The following DGKH variants were observed in gnomAD, a reference collection of about 807,000 sequenced individuals.
DGKH encodes the protein DAG kinase eta.
In DGKH, 90 loss-of-function variants were observed where a neutral mutation model predicts 159.3. The ratio of observed to expected loss-of-function variants is 0.57; its 90% CI spans 0.48 to 0.67. The LOEUF (loss-of-function observed/expected upper bound fraction) is 0.67. Ranked by LOEUF, DGKH falls within the 30% of genes least tolerant of loss-of-function variation. The pLI is 0.00. For synonymous variants in DGKH, 536 were observed against 553.8 expected, an observed-to-expected ratio of 0.97 and a Z score of 0.45; for missense variants, 1,181 against 1,506.1, an observed-to-expected ratio of 0.78 and a Z score of 3.57.
rs768960363 is a variant in DGKH at position 42,215,627 on chromosome 13, A to G, written c.3173A>G (p.Tyr1058Cys). The G allele has an allele frequency of 9.9e-6, 16 of 1,611,728 alleles. No individual in the cohort carries two copies. The Admixed American group carries it at 1.5e-4, about 15-fold the overall frequency. The change falls in exon 26 of 30, where the codon TAT becomes TGT. Residue 1058 changes from tyrosine (Y) to cysteine (C), a missense_variant. Tyr to Cys is a radical substitution (Grantham distance 194). This residue lies in a region of DGKH where 335 missense variants were observed against 495.2 expected (regional missense o/e 0.68). Transcript: ENST00000337343. ...TEIAINVKAL[Y>C]NETESLLVGR... ...ATAGCCATCAATGTGAAGGCGCTGT[A>G]TAATGAAACAGAATCTTTGCTAGTT...
At position 42,189,131 on chromosome 13, in the gene DGKH, T is replaced by C. The variant is rs758797938; in HGVS notation, c.1734T>C (p.Ile578=). The change falls in exon 15 of 30, where the codon ATT becomes ATC. Residue 578 remains isoleucine (I), a synonymous_variant. Transcript: ENST00000337343. ...TTCTCCCTGGCCTCAGCCCTCTCAT[T>C]GTGGAAGAAGATGCTGTGGAATCGT... ...APVLPGLSPL[I]VEEDAVESSS... The C allele has an allele frequency of 1.5e-5, 24 of 1,614,114 alleles. No individual in the cohort carries two copies. In the South Asian group the frequency reaches 2.4e-4, roughly 16 times the overall value.
intron 1 of DGKH, among the ~76,000 whole-genome samples, chr13:42,101,307 C>T (rs576888156): frequency 3.5e-4 from 53 of 152,320 alleles, no homozygotes; most frequent in African/African-American, 1.2e-3. Context: ...AGAACAATAA[C>T]GGCACCAAAT....
intron 1 of DGKH, among the ~76,000 whole-genome samples, chr13:42,109,440 G>A (rs2137796882): frequency 6.6e-6 from 1 of 152,298 alleles, no homozygotes; most frequent in African/African-American, 2.4e-5. Context: ...GGAGATGGAC[G>A]ATTACACCAC....
chr13:42,149,311 T>C (rs749353255), intron 3 of DGKH, among the ~76,000 whole-genome samples: 7 of 152,194 alleles, frequency 4.6e-5, no homozygotes, highest in Admixed American at 6.5e-5. Context: ...TCCCCTTCAC[T>C]GTGTTCTCAT....
chr13:42,158,818 T>G (rs1258560982), intron 5 of DGKH, among the ~76,000 whole-genome samples: 1 of 152,222 alleles, frequency 6.6e-6, no homozygotes, highest in Non-Finnish European at 1.5e-5. Context: ...CAGTATTTTA[T>G]ATGTATAGAA....
At chr13:42,055,639 G>A (rs1367704983) in intron 1 of DGKH, among the ~76,000 whole-genome samples, 2 of 152,150 alleles carry the variant, frequency 1.3e-5, no homozygotes, top group Non-Finnish European at 2.9e-5. Context: ...TGTTTCCAGG[G>A]TACAGTGTTT....
intron 3 of DGKH, among the ~76,000 whole-genome samples, chr13:42,153,102 A>G (rs1173691363): frequency 6.6e-6 from 1 of 152,194 alleles, no homozygotes; most frequent in Admixed American, 6.5e-5. Context: ...TTCCTTGCTC[A>G]TTACTGTTCA....
upstream of DGKH, among the ~76,000 whole-genome samples, chr13:42,044,725 C>T (rs1788113284): frequency 6.6e-6 from 1 of 152,034 alleles, no homozygotes; most frequent in Non-Finnish European, 1.5e-5. Flanking sequence ...AGTCATTGGG[C>T]CTAAAGAAGA....
chr13:42,081,296 G>A (rs935325291), intron 1 of DGKH, among the ~76,000 whole-genome samples: 3 of 151,810 alleles, frequency 2.0e-5, no homozygotes, highest in African/African-American at 7.3e-5. Flanking sequence ...GCGGCACGAT[G>A]TTGGCTCACT....
At chr13:42,109,309 A>G (rs1226610539) in intron 1 of DGKH, among the ~76,000 whole-genome samples, 4 of 152,196 alleles carry the variant, frequency 2.6e-5, no homozygotes, top group African/African-American at 9.6e-5. Flanking sequence ...GTTATTATCC[A>G]TAAAGAAGCA....
At chr13:42,211,100 T>G (rs1339404148) in intron 24 of DGKH, among the ~76,000 whole-genome samples, 3 of 152,170 alleles carry the variant, frequency 2.0e-5, no homozygotes, top group Non-Finnish European at 2.9e-5. Context: ...AGAGAGATTT[T>G]GAGACCACAC....
chr13:42,111,437 G>A (rs549843513), intron 1 of DGKH, among the ~76,000 whole-genome samples: 1 of 152,090 alleles, frequency 6.6e-6, no homozygotes, highest in African/African-American at 2.4e-5. Context: ...AAAATTAGCC[G>A]GGCGTGGTGG....
intron 1 of DGKH, chr13:42,069,263 A>G: frequency 9.2e-7 from 1 of 1,090,084 alleles, no homozygotes; most frequent in Non-Finnish European, 1.3e-6. Context: ...TTACTTCACA[A>G]AACTGATTTA....
At chr13:42,248,431 A>AT (rs1555284325) in intron 29 of DGKH, among the ~76,000 whole-genome samples, 3 of 148,050 alleles carry the variant, frequency 2.0e-5, no homozygotes, top group South Asian at 4.2e-4. Flanking sequence ...GTCTCAAAAA[A>AT]ATATATATAT....
intron 1 of DGKH, chr13:42,069,133 C>G (rs988918009): frequency 1.4e-6 from 2 of 1,403,296 alleles, no homozygotes; most frequent in African/African-American, 1.4e-5. Flanking sequence ...CCTCATTTCT[C>G]TCTCCCCAAG....
chr13:42,181,138 G>C (rs1446420192), intron 13 of DGKH, among the ~76,000 whole-genome samples: 1 of 151,934 alleles, frequency 6.6e-6, no homozygotes, highest in African/African-American at 2.4e-5. Context: ...TTAGCCGGGC[G>C]TGATGGTGGG....
intron 1 of DGKH, among the ~76,000 whole-genome samples, chr13:42,075,923 A>G (rs1353548656): frequency 6.6e-6 from 1 of 152,242 alleles, no homozygotes; most frequent in African/African-American, 2.4e-5. Flanking sequence ...TCTCCAGAAC[A>G]GTCTTAAACA....
At chr13:42,114,453 C>G (rs1356967739) in intron 1 of DGKH, among the ~76,000 whole-genome samples, 1 of 90,288 alleles carries the variant, frequency 1.1e-5, no homozygotes, top group Non-Finnish European at 2.2e-5. Flanking sequence ...GTGCCAGGAA[C>G]TCTGGTAAGC....
chr13:42,127,666 T>C, intron 2 of DGKH, 93 bp downstream of exon 2: 1 of 870,378 alleles, frequency 1.1e-6, no homozygotes, highest in Non-Finnish European at 1.9e-6. Context: ...GGAAGCGCAC[T>C]GTAGCATTAT....
Sources: allele counts gnomAD v4.1 joint callset (sites outside exome capture counted in the v4.1 genomes callset), GRCh38; gene constraint gnomAD v4.1.1; regional missense constraint gnomAD v4.1.1; transcripts MANE v1.5; gene names NCBI Gene and HGNC (gene_info 2026-07-23, HGNC 2026-07-21).